NTRK3: variants seen among roughly 807,000 people sequenced by gnomAD.
NTRK3 encodes neurotrophic receptor tyrosine kinase 3, also known as NT-3 growth factor receptor.
In NTRK3, 24 loss-of-function variants were observed where a neutral mutation model predicts 91.7. The observed-to-expected ratio is 0.26, with a 90% CI of 0.19 to 0.37. The LOEUF (loss-of-function observed/expected upper bound fraction) is 0.37. NTRK3 is among the 10% of genes least tolerant of loss of function. The pLI is 1.00. For synonymous variants in NTRK3, 483 were observed against 404.0 expected, an observed-to-expected ratio of 1.20 and a Z score of -2.34; for missense variants, 880 against 1,068.9, an observed-to-expected ratio of 0.82 and a Z score of 2.46.
chr15:88,229,660 C>T (rs1301843761), intron 3 of NTRK3, among the ~76,000 whole-genome samples: 1 of 152,176 alleles, frequency 6.6e-6, no homozygotes, highest in Non-Finnish European at 1.5e-5. Context: ...TACCAGCATC[C>T]CTGAGGTCCT....
intron 6 of NTRK3, among the ~76,000 whole-genome samples, chr15:88,138,391 C>T (rs1352514664): frequency 6.6e-6 from 1 of 152,158 alleles, no homozygotes; most frequent in African/African-American, 2.4e-5. Context: ...GCCTGGGCGA[C>T]AGAGCAAGAC....
intron 7 of NTRK3, 64 bp downstream of exon 7, chr15:88,137,340 A>G (rs1046169376): frequency 1.1e-5 from 17 of 1,587,728 alleles, no homozygotes; most frequent in African/African-American, 5.4e-5. Flanking sequence ...AACGTCCAGC[A>G]CCATCTCTGG....
intron 15 of NTRK3, among the ~76,000 whole-genome samples, chr15:87,938,864 T>C (rs2069541675): frequency 6.6e-6 from 1 of 152,204 alleles, no homozygotes; most frequent in Non-Finnish European, 1.5e-5. Context: ...TCTGACCATC[T>C]CATGTCTATG....
intron 3 of NTRK3, among the ~76,000 whole-genome samples, chr15:88,206,524 G>A (rs1246226548): frequency 2.0e-5 from 3 of 150,998 alleles, no homozygotes; most frequent in Non-Finnish European, 2.9e-5. Context: ...CGGGCGCGGT[G>A]GCGGGCGCCT....
At chr15:88,126,681 T>C (rs1429022056) in intron 12 of NTRK3, among the ~76,000 whole-genome samples, 3 of 152,200 alleles carry the variant, frequency 2.0e-5, no homozygotes, top group Admixed American at 6.5e-5. Flanking sequence ...TTGTTTTAAT[T>C]AGCAAGTGAA....
At chr15:87,863,629 C>T (rs2064583659) in exon 19 of NTRK3, 1 of 222,362 alleles carries the variant, frequency 4.5e-6, no homozygotes, top group South Asian at 1.8e-4. Flanking sequence ...GATGTGGTAG[C>T]TCTCCCAAAA....
intron 3 of NTRK3, among the ~76,000 whole-genome samples, chr15:88,220,693 A>T (rs749354967): frequency 6.6e-6 from 1 of 152,164 alleles, no homozygotes; most frequent in Non-Finnish European, 1.5e-5. Flanking sequence ...TTTCCTGCAC[A>T]TGGCCACAAA....
chr15:88,171,657 G>T (rs942870083), intron 5 of NTRK3, among the ~76,000 whole-genome samples: 2 of 152,166 alleles, frequency 1.3e-5, no homozygotes, highest in Non-Finnish European at 2.9e-5. Context: ...GCCCTGCAGG[G>T]TAGGAATTAT....
At chr15:88,078,830 A>G (rs1275937392) in intron 13 of NTRK3, among the ~76,000 whole-genome samples, 1 of 152,236 alleles carries the variant, frequency 6.6e-6, no homozygotes, top group Non-Finnish European at 1.5e-5. Flanking sequence ...ATGTTCTTCT[A>G]TATCTGGGCA....
chr15:87,999,991 A>G (rs908127053), intron 14 of NTRK3, among the ~76,000 whole-genome samples: 11 of 152,342 alleles, frequency 7.2e-5, no homozygotes, highest in South Asian at 4.1e-4. Context: ...TAGTGCTATG[A>G]TAGTGATACT....
chr15:87,889,229 T>TG lies in NTRK3; in HGVS notation c.2134-8802dup, dbSNP rs376748888. 2.7e-3 allele frequency among the ~76,000 whole-genome samples: 418 copies of TG among 152,276 alleles called. 1 individual carries two copies. Among genetic ancestry groups the TG allele is most frequent in the Non-Finnish European group, 4.7e-3 (320 of 68,014 alleles). ...GATAACTATATTCACCTCCCAGGGC[T>TG]GTTTGCCTGATCATAAGCACCTGGC... On this transcript the variant is annotated intron_variant, in intron 17 of 18. Transcript: ENST00000394480.
At chr15:88,204,985 G>C (rs1403881378) in intron 3 of NTRK3, among the ~76,000 whole-genome samples, 2 of 152,208 alleles carry the variant, frequency 1.3e-5, no homozygotes, top group African/African-American at 4.8e-5. Flanking sequence ...ATGCGTTTCT[G>C]AGATTCTTGT....
chr15:88,142,542 A>G (rs1323166766), intron 6 of NTRK3, among the ~76,000 whole-genome samples: 1 of 152,204 alleles, frequency 6.6e-6, no homozygotes, highest in African/African-American at 2.4e-5. Flanking sequence ...CACAGCATCA[A>G]CACTTCCAGT....
At chr15:88,044,875 G>A (rs1204766665) in intron 13 of NTRK3, among the ~76,000 whole-genome samples, 2 of 152,166 alleles carry the variant, frequency 1.3e-5, no homozygotes, top group African/African-American at 4.8e-5. Flanking sequence ...GAAAATATTT[G>A]CTGTAGCACC....
intron 14 of NTRK3, among the ~76,000 whole-genome samples, chr15:88,011,324 A>G (rs994923362): frequency 6.6e-6 from 1 of 152,198 alleles, no homozygotes; most frequent in African/African-American, 2.4e-5. Flanking sequence ...AAATCAAAAT[A>G]GACAGGATTT....
At chr15:88,143,549 G>T (rs1202621125) in intron 6 of NTRK3, among the ~76,000 whole-genome samples, 1 of 152,206 alleles carries the variant, frequency 6.6e-6, no homozygotes, top group African/African-American at 2.4e-5. Context: ...AACTCTCTAA[G>T]GTTCTCTTTT....
intron 13 of NTRK3, among the ~76,000 whole-genome samples, chr15:88,093,448 T>C (rs1054173899): frequency 3.8e-4 from 58 of 152,306 alleles, no homozygotes; most frequent in African/African-American, 1.3e-3. Flanking sequence ...GCAGCCTTGC[T>C]CACTTACTCT....
rs2141415905 is a variant in NTRK3, at chr15:87,872,831, G to T, written c.*4104C>A. ...TAACAAGCAAGTACATATATATCAGGTGGGACCAGAACCTAGCTTTAAAAA... is the reference window on the plus strand; with the variant it reads ...TAACAAGCAAGTACATATATATCAGTTGGGACCAGAACCTAGCTTTAAAAA... On this transcript the variant is annotated 3_prime_UTR_variant, in exon 19 of 19. Coordinates refer to ENST00000394480, the Ensembl canonical transcript of NTRK3. 1.3e-5 allele frequency: 3 copies of T among 232,504 alleles called. No individual in the cohort carries two copies. In the South Asian group the frequency reaches 5.4e-4, roughly 42 times the overall value. 14.4% of individuals were successfully genotyped at this position (232,504 alleles called of 1,614,324 possible).
At chr15:88,154,294 G>A (rs577609892) in intron 5 of NTRK3, among the ~76,000 whole-genome samples, 8 of 152,124 alleles carry the variant, frequency 5.3e-5, no homozygotes, top group East Asian at 1.9e-4. Context: ...GGGGGCTGCC[G>A]CCAGCCTCCT....
Sources: gnomAD v4.1 joint callset for allele counts (sites outside exome capture counted in the v4.1 genomes callset) on GRCh38, gnomAD v4.1.1 for gene constraint, MANE v1.5 for transcripts, NCBI Gene and HGNC (gene_info 2026-07-23, HGNC 2026-07-21) for gene names.